PDE4D: variants seen among roughly 807,000 people sequenced by gnomAD.
PDE4D encodes phosphodiesterase 4D.
In PDE4D, 24 loss-of-function variants were observed where a neutral mutation model predicts 87.4. The ratio of observed to expected loss-of-function variants is 0.27; its 90% CI spans 0.20 to 0.39. PDE4D has a LOEUF of 0.39. Among genes scored for constraint, PDE4D ranks in the 10% least tolerant of loss-of-function variants. The probability of loss-of-function intolerance (pLI) is 1.00; values close to 1 mark genes in which losing one functional copy is unlikely to be tolerated. For synonymous variants in PDE4D, 384 were observed against 383.2 expected (o/e 1.00, Z -0.02); for missense variants, 714 against 1,041.0 (o/e 0.69, Z 4.32).
chr5:60,418,577 T>C (rs1250945799), intron 1 of PDE4D, among the ~76,000 whole-genome samples: 1 of 152,124 alleles, frequency 6.6e-6, no homozygotes, highest in Non-Finnish European at 1.5e-5. Flanking sequence ...TTTTGTACTT[T>C]AAATTTTTTT....
chr5:60,382,726 G>A (rs527250023), intron 1 of PDE4D, among the ~76,000 whole-genome samples: 31 of 152,130 alleles, frequency 2.0e-4, no homozygotes, highest in Non-Finnish European at 3.1e-4. Flanking sequence ...TTCACTTTTC[G>A]TTTTCATTTT....
chr5:60,454,407 G>A (rs879262455), intron 1 of PDE4D, among the ~76,000 whole-genome samples: 14 of 152,014 alleles, frequency 9.2e-5, no homozygotes, highest in East Asian at 1.9e-4. Context: ...CCCAAATGCC[G>A]ATCAATGATA....
At chr5:60,134,902 T>C (rs933419157) in intron 2 of PDE4D, among the ~76,000 whole-genome samples, 4 of 152,140 alleles carry the variant, frequency 2.6e-5, no homozygotes, top group African/African-American at 9.7e-5. Flanking sequence ...GTACCCTTCT[T>C]ACTGAAAGGA....
chr5:59,786,311 A>T (rs2152636903), intron 1 of PDE4D, among the ~76,000 whole-genome samples: 1 of 152,350 alleles, frequency 6.6e-6, no homozygotes, highest in Non-Finnish European at 1.5e-5. Context: ...ATTTAGAAAG[A>T]TAAGGTGGTT....
intron 1 of PDE4D, among the ~76,000 whole-genome samples, chr5:59,350,489 C>T (rs1432301720): frequency 1.3e-5 from 2 of 152,100 alleles, no homozygotes; most frequent in Admixed American, 1.3e-4. Flanking sequence ...CAGCTCTAAC[C>T]CCCTCTTCCC....
intron 6 of PDE4D, among the ~76,000 whole-genome samples, chr5:59,006,336 G>A (rs1179037630): frequency 6.6e-6 from 1 of 152,188 alleles, no homozygotes; most frequent in East Asian, 1.9e-4. Context: ...AGGCCAATGC[G>A]GGAGGATTGC....
chr5:59,172,687 A>T (rs867184727), intron 5 of PDE4D: 2 of 151,710 alleles, frequency 1.3e-5, no homozygotes, highest in African/African-American at 4.8e-5. Flanking sequence ...CAGCCTGGGC[A>T]ACAGAGTGAG....
At position 60,040,943 on chromosome 5, in the gene PDE4D, C is replaced by T. The variant is rs189889626; in HGVS notation, c.43-52226G>A. Among the ~76,000 whole-genome samples the T allele has an allele frequency of 2.6e-3, 402 of 152,278 alleles. 2 individuals carry two copies. Among genetic ancestry groups the T allele is most frequent in the Middle Eastern group, 6.8e-3 (2 of 294 alleles). Reference sequence around the variant, plus strand: ...TGTGTTGAAAACAAAACTCTCCTCACTATAAGTTGAATGCTTTAGCTGATT... The same window carrying T: ...TGTGTTGAAAACAAAACTCTCCTCATTATAAGTTGAATGCTTTAGCTGATT... On this transcript the variant is annotated intron_variant, in intron 2 of 16. Transcript: ENST00000502484.
chr5:60,499,522 G>A (rs970161196), intron 1 of PDE4D, among the ~76,000 whole-genome samples: 3 of 152,098 alleles, frequency 2.0e-5, no homozygotes, highest in Non-Finnish European at 4.4e-5. Context: ...CCTTGGGTTG[G>A]GGGCGGTTAA....
chr5:59,384,591 C>A (rs1562076820), intron 1 of PDE4D, among the ~76,000 whole-genome samples: 1 of 128,498 alleles, frequency 7.8e-6, no homozygotes, highest in Admixed American at 7.2e-5. Context: ...ATTTAACTCA[C>A]CCATCAGGAT....
At chr5:59,020,672 T>A (rs942153845) in intron 6 of PDE4D, among the ~76,000 whole-genome samples, 1 of 152,134 alleles carries the variant, frequency 6.6e-6, no homozygotes, top group African/African-American at 2.4e-5. Context: ...GGAATTTTTT[T>A]TTTTTTTTAA....
intron 1 of PDE4D, among the ~76,000 whole-genome samples, chr5:60,506,793 G>A (rs1246328303): frequency 6.6e-6 from 1 of 152,000 alleles, no homozygotes; most frequent in Non-Finnish European, 1.5e-5. Context: ...TTAAAATGTA[G>A]AAACTAAGAA....
At chr5:59,556,065 A>G (rs768331780) in intron 1 of PDE4D, among the ~76,000 whole-genome samples, 24 of 152,076 alleles carry the variant, frequency 1.6e-4, no homozygotes, top group Non-Finnish European at 2.6e-4. Context: ...AAGGTATTAG[A>G]GTTTATGGAC....
intron 5 of PDE4D, among the ~76,000 whole-genome samples, chr5:59,071,387 G>C (rs1044215874): frequency 2.0e-5 from 3 of 151,868 alleles, no homozygotes; most frequent in Non-Finnish European, 4.4e-5. Flanking sequence ...CTGGTCCTCT[G>C]ATTTCCCACT....
rs189553202 is a variant in PDE4D at position 60,142,413 on chromosome 5, G to T, written c.42+43144C>A. Among the ~76,000 whole-genome samples, 16 of 152,298 alleles carry T rather than the reference G, an allele frequency of 1.1e-4. No homozygotes were observed. The East Asian group carries it at 3.1e-3, about 29-fold the overall frequency. The stretch of plus-strand genomic sequence containing the variant: ...GAACAGAGGCTCAGAAAGATTAAGT[G>T]ACTCTGGGGAAATATTTTTAAAATG... On this transcript the variant is annotated intron_variant, in intron 2 of 16. Transcript: ENST00000502484.
intron 2 of PDE4D, among the ~76,000 whole-genome samples, chr5:60,157,940 CTCT>C (rs930819618): frequency 2.7e-5 from 4 of 150,068 alleles, no homozygotes; most frequent in African/African-American, 7.4e-5. Context: ...CTTTCTCACC[CTCT>C]TCGTCTCTTT....
chr5:60,206,893 A>G (rs1189125982), intron 1 of PDE4D, among the ~76,000 whole-genome samples: 1 of 152,260 alleles, frequency 6.6e-6, no homozygotes, highest in South Asian at 2.1e-4. Flanking sequence ...TAACACTAGA[A>G]ACAATTATAG....
chr5:59,971,328 A>G (rs539706652), intron 3 of PDE4D, among the ~76,000 whole-genome samples: 7 of 151,244 alleles, frequency 4.6e-5, no homozygotes, highest in African/African-American at 1.7e-4. Flanking sequence ...TGCACAATGT[A>G]CACATGTACC....
chr5:59,816,459 T>C (rs1768986556), intron 1 of PDE4D, among the ~76,000 whole-genome samples: 1 of 152,218 alleles, frequency 6.6e-6, no homozygotes, highest in Admixed American at 6.5e-5. Context: ...GAGAGAAGGA[T>C]CCTGCCCTCA....
Sources: allele counts gnomAD v4.1 joint callset (sites outside exome capture counted in the v4.1 genomes callset), GRCh38; gene constraint gnomAD v4.1.1; transcripts MANE v1.5; gene names NCBI Gene and HGNC (gene_info 2026-07-23, HGNC 2026-07-21).